Variants in SHC4 observed in about 807,000 individuals in gnomAD.
SHC4 encodes SHC adaptor protein 4, also known as SHC-transforming protein 4.
In SHC4, 41 loss-of-function variants were observed where a neutral mutation model predicts 69.4. The observed-to-expected ratio is 0.59, with a 90% CI of 0.46 to 0.77. The LOEUF (loss-of-function observed/expected upper bound fraction) is 0.77, where lower values mean the gene tolerates loss of function less well. SHC4 is among the 30% of genes least tolerant of loss of function. SHC4 has a pLI of 0.00. For synonymous variants in SHC4, 318 were observed against 299.3 expected, an observed-to-expected ratio of 1.06 and a Z score of -0.64; for missense variants, 777 against 783.8, an observed-to-expected ratio of 0.99 and a Z score of 0.10.
intron 10 of SHC4, 115 bp downstream of exon 10, chr15:48,843,294 G>T: frequency 9.7e-7 from 1 of 1,035,182 alleles, no homozygotes; most frequent in South Asian, 1.6e-5. Context: ...CAACCCTGCT[G>T]ACACTTTGAT....
At chr15:48,843,214 T>C (rs1369442953) in intron 10 of SHC4, among the ~76,000 whole-genome samples, 195 bp downstream of exon 10, 1 of 152,104 alleles carries the variant, frequency 6.6e-6, no homozygotes, top group Non-Finnish European at 1.5e-5. Flanking sequence ...ACATCAAGAA[T>C]TGCCAGCAGC....
chr15:48,932,513 C>T (rs144637930), intron 1 of SHC4, among the ~76,000 whole-genome samples: 10 of 152,208 alleles, frequency 6.6e-5, no homozygotes, highest in African/African-American at 2.2e-4. Context: ...CCGCTTTTGC[C>T]CTCTCATTTT....
At chr15:48,949,714 C>T (rs1263700987) in intron 1 of SHC4, among the ~76,000 whole-genome samples, 1 of 151,008 alleles carries the variant, frequency 6.6e-6, no homozygotes, top group African/African-American at 2.4e-5. Flanking sequence ...CCCTCCCTTG[C>T]GGATAACCTA....
At chr15:48,837,494 C>T (rs1050229569) in intron 10 of SHC4, among the ~76,000 whole-genome samples, 8 of 152,214 alleles carry the variant, frequency 5.3e-5, no homozygotes, top group African/African-American at 1.9e-4. Flanking sequence ...TATTATCTTG[C>T]TCCTTTTCTA....
At chr15:48,891,108 T>G (rs1054893080) in intron 2 of SHC4, among the ~76,000 whole-genome samples, 1 of 152,194 alleles carries the variant, frequency 6.6e-6, no homozygotes, top group African/African-American at 2.4e-5. Context: ...TTGTTGATTT[T>G]TAACCAAAAA....
chr15:48,857,306 T>C (rs1168663610), intron 7 of SHC4, among the ~76,000 whole-genome samples: 1 of 140,632 alleles, frequency 7.1e-6, no homozygotes, highest in Non-Finnish European at 1.5e-5. Context: ...TCTTGCTGTG[T>C]TTTTTTTTTT....
At chr15:48,920,011 G>GTTTTT (rs1445735086) in intron 2 of SHC4, among the ~76,000 whole-genome samples, 1 of 147,426 alleles carries the variant, frequency 6.8e-6, no homozygotes, top group Non-Finnish European at 1.5e-5. Context: ...AGTTCACGGA[G>GTTTTT]TTTGTTTTTT....
chr15:48,870,427 A>G lies in SHC4; in HGVS notation c.894+1662T>C, dbSNP rs1344252850. Among the ~76,000 whole-genome samples the G allele has an allele frequency of 2.0e-5, 3 of 152,220 alleles. No individual in the cohort carries two copies. In the East Asian group the frequency reaches 5.8e-4, roughly 29 times the overall value. Reference sequence around the variant, plus strand: ...GTGGAATTTCTTGGGGAAAAGGTGGAACTCTTAACATTTGGTTTACTTTTA... The same window carrying G: ...GTGGAATTTCTTGGGGAAAAGGTGGGACTCTTAACATTTGGTTTACTTTTA... On this transcript the variant is annotated intron_variant, in intron 5 of 11. Transcript: ENST00000332408.
chr15:48,949,275 G>T (rs1435872021), intron 1 of SHC4, among the ~76,000 whole-genome samples: 3 of 151,692 alleles, frequency 2.0e-5, no homozygotes, highest in Non-Finnish European at 4.4e-5. Flanking sequence ...GGAGGCTGAG[G>T]CAGGAGACTG....
chr15:48,881,604 T>G (rs931420854), intron 4 of SHC4, among the ~76,000 whole-genome samples: 2 of 152,218 alleles, frequency 1.3e-5, no homozygotes, highest in African/African-American at 4.8e-5. Flanking sequence ...AATTTTTGCC[T>G]GTTTTACCTT....
At chr15:48,928,546 C>G (rs1405482654) in intron 1 of SHC4, among the ~76,000 whole-genome samples, 1 of 152,140 alleles carries the variant, frequency 6.6e-6, no homozygotes, top group Non-Finnish European at 1.5e-5. Flanking sequence ...GAAGGCTATT[C>G]TCAGCCCAGT....
At chr15:48,848,685 G>C (rs1899144731) in intron 9 of SHC4, among the ~76,000 whole-genome samples, 2 of 152,112 alleles carry the variant, frequency 1.3e-5, no homozygotes, top group South Asian at 4.2e-4. Flanking sequence ...GGATTATGTT[G>C]TTTGTTGGTT....
At chr15:48,889,640 C>A (rs1257706264) in intron 3 of SHC4, among the ~76,000 whole-genome samples, 2 of 152,170 alleles carry the variant, frequency 1.3e-5, no homozygotes, top group Non-Finnish European at 2.9e-5. Flanking sequence ...GTCAGGAGAT[C>A]AAGACCATCC....
At chr15:48,958,423 A>G (rs1381111709) in intron 1 of SHC4, among the ~76,000 whole-genome samples, 1 of 152,036 alleles carries the variant, frequency 6.6e-6, no homozygotes, top group African/African-American at 2.4e-5. Context: ...GATCACAGAC[A>G]CCTGGGCTCT....
chr15:48,878,506 C>T lies in SHC4; in HGVS notation c.840+5742G>A, dbSNP rs2140998971. On this transcript the variant is annotated intron_variant, in intron 4 of 11. Transcript: ENST00000332408. ...TTGATGACTGGGAGGACGACTACGA[C>T]TATCCCGAAGAGGAGCAGCTCAGTG... The T allele has an allele frequency of 1.9e-6, 3 of 1,614,044 alleles. No individual in the cohort carries two copies. In the African/African-American group the frequency reaches 4.0e-5, roughly 22 times the overall value.
At chr15:48,854,725 C>T (rs79733656) in intron 8 of SHC4, among the ~76,000 whole-genome samples, 7 of 152,214 alleles carry the variant, frequency 4.6e-5, no homozygotes, top group African/African-American at 1.7e-4. Flanking sequence ...GAACAGAAAA[C>T]CAAATACCAC....
intron 4 of SHC4, chr15:48,877,944 G>A (rs981286782): frequency 1.0e-5 from 5 of 485,010 alleles, no homozygotes; most frequent in African/African-American, 3.8e-5. Flanking sequence ...AGGGTCCCTA[G>A]ATACGAAGTT....
intron 1 of SHC4, among the ~76,000 whole-genome samples, chr15:48,950,211 A>G (rs1901345091): frequency 1.4e-5 from 2 of 145,420 alleles, no homozygotes; most frequent in Admixed American, 1.4e-4. Flanking sequence ...AATTGTATTT[A>G]TATTATTATA....
intron 1 of SHC4, among the ~76,000 whole-genome samples, chr15:48,955,451 G>A (rs1014560339): frequency 3.3e-5 from 5 of 152,136 alleles, no homozygotes; most frequent in African/African-American, 1.2e-4. Context: ...TGGCTTCAGA[G>A]TAATATGAAC....
Sources: gnomAD v4.1 joint callset for allele counts (sites outside exome capture counted in the v4.1 genomes callset) on GRCh38, gnomAD v4.1.1 for gene constraint, MANE v1.5 for transcripts, NCBI Gene and HGNC (gene_info 2026-07-23, HGNC 2026-07-21) for gene names.